PTPRJ: variants seen among roughly 807,000 people sequenced by gnomAD.
PTPRJ encodes receptor-type tyrosine-protein phosphatase eta.
PTPRJ carries 129 observed loss-of-function variants against 141.3 expected under a neutral mutation model. The observed-to-expected ratio is 0.91, with a 90% CI of 0.79 to 1.06. The LOEUF (loss-of-function observed/expected upper bound fraction) is 1.06, where lower values mean the gene tolerates loss of function less well. PTPRJ is among the 50% of genes least tolerant of loss of function. The probability of loss-of-function intolerance (pLI) is 0.00; values close to 1 mark genes in which losing one functional copy is unlikely to be tolerated. For synonymous variants in PTPRJ, 610 were observed against 640.5 expected, an observed-to-expected ratio of 0.95 and a Z score of 0.72; for missense variants, 1,601 against 1,679.7, an observed-to-expected ratio of 0.95 and a Z score of 0.82.
chr11:48,162,903 T>A (rs1395256352), intron 22 of PTPRJ, among the ~76,000 whole-genome samples: 1 of 152,248 alleles, frequency 6.6e-6, no homozygotes, highest in African/African-American at 2.4e-5. Flanking sequence ...TCTCCAATTC[T>A]AAATATTTGC....
intron 3 of PTPRJ, among the ~76,000 whole-genome samples, chr11:48,117,307 G>A (rs566285008): frequency 1.9e-4 from 29 of 152,038 alleles, no homozygotes; most frequent in Admixed American, 1.7e-3. Flanking sequence ...TTGGGAGGCC[G>A]AGATGGGCGG....
intron 1 of PTPRJ, among the ~76,000 whole-genome samples, chr11:48,036,814 C>T (rs1010562759): frequency 1.3e-5 from 2 of 152,118 alleles, no homozygotes; most frequent in African/African-American, 4.8e-5. Flanking sequence ...TAGAACTCTC[C>T]CAGAGAAACC....
At chr11:48,040,982 A>T (rs1287112388) in intron 1 of PTPRJ, among the ~76,000 whole-genome samples, 1 of 151,434 alleles carries the variant, frequency 6.6e-6, no homozygotes, top group East Asian at 1.9e-4. Context: ...TCTTTTATGG[A>T]CCTTTTAGGC....
At position 48,137,160 on chromosome 11, in the gene PTPRJ, T is replaced by C. The variant is rs1308865001; in HGVS notation, c.2031T>C (p.Ile677=). The change falls in exon 10 of 25, where the codon ATT becomes ATC. Residue 677 remains isoleucine, a synonymous_variant. Coordinates refer to ENST00000418331, the MANE Select transcript of PTPRJ (RefSeq NM_002843.4). ...ACGCAACACAAGTAGTCACGGACAT[T>C]GGAATTACTGACGCTACAGTCACTG... is the stretch of plus-strand genomic sequence containing the variant. ...SSNATQVVTD[I]GITDATVTEL... The C allele has an allele frequency of 3.7e-6, 6 of 1,613,014 alleles. No homozygotes were observed. Among genetic ancestry groups the C allele is most frequent in the South Asian group, 1.1e-5 (1 of 91,048 alleles).
intron 8 of PTPRJ, among the ~76,000 whole-genome samples, chr11:48,131,070 ATT>A (rs71045547): frequency 3.5e-3 from 162 of 46,490 alleles, no homozygotes; most frequent in African/African-American, 9.0e-3. Context: ...ATATATATAT[ATT>A]TTTTTTTTTT....
chr11:48,007,425 T>TA (rs1196346424), intron 1 of PTPRJ, among the ~76,000 whole-genome samples: 1 of 142,304 alleles, frequency 7.0e-6, no homozygotes, highest in Non-Finnish European at 1.5e-5. Flanking sequence ...TTTTCTTTTC[T>TA]TTTTTTTTTC....
At chr11:48,027,723 T>A (rs1024428722) in intron 1 of PTPRJ, among the ~76,000 whole-genome samples, 1 of 123,300 alleles carries the variant, frequency 8.1e-6, no homozygotes, top group Non-Finnish European at 1.6e-5. Flanking sequence ...ACCTGGCAGG[T>A]GGAGGTGCAG....
chr11:48,165,914 G>A (rs1857905821), intron 24 of PTPRJ, among the ~76,000 whole-genome samples: 1 of 149,484 alleles, frequency 6.7e-6, no homozygotes. Context: ...GGGCTGGATT[G>A]CAGTGGTGCG....
chr11:48,093,793 TAAA>T (rs746278822), intron 1 of PTPRJ, among the ~76,000 whole-genome samples: 8 of 128,132 alleles, frequency 6.2e-5, no homozygotes, highest in Admixed American at 1.6e-4. Flanking sequence ...TTTGCTGCCC[TAAA>T]AAAAAAAAAA....
At chr11:48,035,986 T>C (rs1854115506) in intron 1 of PTPRJ, among the ~76,000 whole-genome samples, 1 of 152,220 alleles carries the variant, frequency 6.6e-6, no homozygotes, top group South Asian at 2.1e-4. Context: ...ACAGGACCAA[T>C]TTATAGGACA....
chr11:47,986,250 A>T (rs773510071), intron 1 of PTPRJ, among the ~76,000 whole-genome samples: 16 of 152,156 alleles, frequency 1.1e-4, no homozygotes, highest in Non-Finnish European at 1.6e-4. Context: ...TTGTGGAGAT[A>T]GACTGGGGTC....
intron 1 of PTPRJ, among the ~76,000 whole-genome samples, chr11:48,079,867 C>G (rs1335243513): frequency 6.6e-6 from 1 of 152,084 alleles, no homozygotes; most frequent in African/African-American, 2.4e-5. Context: ...GAGAGTGCTG[C>G]CCACTGAACT....
intron 1 of PTPRJ, among the ~76,000 whole-genome samples, chr11:47,993,833 T>TC (rs1371174355): frequency 6.8e-6 from 1 of 146,980 alleles, no homozygotes; most frequent in East Asian, 2.0e-4. Flanking sequence ...AACAGTTCAT[T>TC]TTTTTTTTTT....
At chr11:48,133,267 A>G (rs1164862397) in intron 8 of PTPRJ, among the ~76,000 whole-genome samples, 1 of 152,192 alleles carries the variant, frequency 6.6e-6, no homozygotes, top group Non-Finnish European at 1.5e-5. Context: ...GTAGATTGAC[A>G]CTTTGATGTG....
intron 1 of PTPRJ, among the ~76,000 whole-genome samples, chr11:48,093,920 T>C (rs1855936677): frequency 6.6e-6 from 1 of 152,144 alleles, no homozygotes; most frequent in Non-Finnish European, 1.5e-5. Context: ...GTGCAGACCT[T>C]TGACAGACAC....
At chr11:48,085,357 A>C (rs1397593231) in intron 1 of PTPRJ, among the ~76,000 whole-genome samples, 1 of 151,668 alleles carries the variant, frequency 6.6e-6, no homozygotes, top group African/African-American at 2.4e-5. Flanking sequence ...ATTTTTTTGA[A>C]ACGGAGTTTC....
In PTPRJ at chr11:48,112,975, G is replaced by A. The variant is rs150984827; in HGVS notation, c.344G>A (p.Ser115Asn). Residue 115 changes from serine to asparagine, a missense_variant, in exon 3 of 25, where the codon AGT becomes AAT. Ser to Asn is a conservative substitution (Grantham distance 46). Coordinates refer to ENST00000418331, the MANE Select transcript of PTPRJ (RefSeq NM_002843.4). ...GTDGASQKTP[S>N]STGPSPVFDI... ...GATGGGGCATCTCAAAAAACTCCCA[G>A]TAGCACTGGTAAGCATAGGCTTTTC... 2.5e-5 allele frequency: 41 copies of A among 1,612,700 alleles called. No homozygotes were observed. The highest frequency in any genetic ancestry group is 1.7e-5 in the Admixed American group (1 of 59,994).
chr11:48,021,514 G>C (rs1289319220), intron 1 of PTPRJ, among the ~76,000 whole-genome samples: 1 of 152,174 alleles, frequency 6.6e-6, no homozygotes, highest in Non-Finnish European at 1.5e-5. Flanking sequence ...TGGGGCATCA[G>C]GGTTGGAAAG....
At chr11:48,066,068 T>C (rs1855074688) in intron 1 of PTPRJ, among the ~76,000 whole-genome samples, 1 of 152,070 alleles carries the variant, frequency 6.6e-6, no homozygotes. Flanking sequence ...ATAGTTTGAG[T>C]CCAGAAATTT....
Sources: gnomAD v4.1 joint callset for allele counts (sites outside exome capture counted in the v4.1 genomes callset) on GRCh38, gnomAD v4.1.1 for gene constraint, MANE v1.5 for transcripts, NCBI Gene and HGNC (gene_info 2026-07-23, HGNC 2026-07-21) for gene names.